Variants in BCL2L13 observed in about 807,000 individuals in gnomAD.
BCL2L13 encodes the protein BCL2 like 13.
Under a neutral mutation model 25.8 loss-of-function variants are expected in BCL2L13, and 13 were observed. That is an observed-to-expected ratio of 0.50 (90% CI 0.33 to 0.80). BCL2L13 has a LOEUF of 0.80. Among genes scored for constraint, BCL2L13 ranks in the 30% least tolerant of loss-of-function variants. The pLI is 0.02. For synonymous variants in BCL2L13, 244 were observed against 230.3 expected, an observed-to-expected ratio of 1.06 and a Z score of -0.54; for missense variants, 504 against 574.9, an observed-to-expected ratio of 0.88 and a Z score of 1.26.
chr22:17,653,698 C>T (rs1479088580), intron 1 of BCL2L13, among the ~76,000 whole-genome samples: 1 of 151,936 alleles, frequency 6.6e-6, no homozygotes, highest in Middle Eastern at 3.4e-3. Context: ...GAGACAGGGT[C>T]TCACTGTGTT....
rs1004831263 is a variant in BCL2L13 at position 17,697,868 on chromosome 22, G to A, written c.456+1658G>A. On this transcript the variant is annotated intron_variant, in intron 5 of 6. Coordinates refer to ENST00000317582, the MANE Select transcript of BCL2L13 (RefSeq NM_015367.4). The stretch of plus-strand genomic sequence containing the variant: ...TTTTGAGACAGAGTCTAACTCTGTC[G>A]CCCAGGCCAGAGTGCAGTGGCTTGA... 5.9e-5 allele frequency among the ~76,000 whole-genome samples: 9 copies of A among 151,980 alleles called. No individual in the cohort carries two copies. In the South Asian group the frequency reaches 6.2e-4, roughly 11 times the overall value.
intron 1 of BCL2L13, among the ~76,000 whole-genome samples, chr22:17,651,644 A>C (rs2058691769): frequency 1.3e-5 from 2 of 150,648 alleles, no homozygotes; most frequent in Non-Finnish European, 2.9e-5. Flanking sequence ...AGGCTCCCCA[A>C]AGTGCTGGGA....
chr22:17,665,829 A>G (rs1166554534), intron 2 of BCL2L13, among the ~76,000 whole-genome samples: 1 of 152,120 alleles, frequency 6.6e-6, no homozygotes, highest in Non-Finnish European at 1.5e-5. Context: ...ATTGTTGAAT[A>G]ATATGCCGTT....
At chr22:17,719,297 A>C (rs932084311) in intron 6 of BCL2L13, among the ~76,000 whole-genome samples, 1 of 152,134 alleles carries the variant, frequency 6.6e-6, no homozygotes. Flanking sequence ...ACATGAAAAG[A>C]TGTTCAACAT....
At chr22:17,632,098 T>C (rs997002271) in intron 1 of BCL2L13, among the ~76,000 whole-genome samples, 2 of 152,128 alleles carry the variant, frequency 1.3e-5, no homozygotes, top group African/African-American at 4.8e-5. Flanking sequence ...TTCCTTGTAC[T>C]GTATGACAGA....
chr22:17,681,206 AAAG>A (rs2059744049), intron 2 of BCL2L13, among the ~76,000 whole-genome samples: 1 of 152,014 alleles, frequency 6.6e-6, no homozygotes, highest in African/African-American at 2.4e-5. Context: ...AGGGACGGGG[AAAG>A]AAGGAGAATT....
intron 1 of BCL2L13, among the ~76,000 whole-genome samples, chr22:17,644,719 G>A (rs771460846): frequency 6.6e-6 from 1 of 150,928 alleles, no homozygotes; most frequent in Non-Finnish European, 1.5e-5. Context: ...ACTATAGGGT[G>A]TTTTGGTTTT....
At chr22:17,692,291 A>T (rs1287212318) in intron 4 of BCL2L13, 1 of 152,180 alleles carries the variant, frequency 6.6e-6, no homozygotes, top group Non-Finnish European at 1.5e-5. Context: ...TGAATGTTTT[A>T]ATCTGCTGCA....
At chr22:17,642,028 T>C (rs953477803) in intron 1 of BCL2L13, among the ~76,000 whole-genome samples, 4 of 151,922 alleles carry the variant, frequency 2.6e-5, no homozygotes, top group African/African-American at 9.7e-5. Context: ...CTCCATCTCC[T>C]GACCTTATTA....
chr22:17,684,591 T>G lies in BCL2L13; in HGVS notation c.229+1270T>G, dbSNP rs186231223. ...TGGTGGTGGTGTTTTGAGATGCAGT[T>G]TCGCTCTCATTGCCCAGGCTGGAGT... is the stretch of plus-strand genomic sequence containing the variant. On this transcript the variant is annotated intron_variant, in intron 3 of 6. Coordinates refer to ENST00000317582, the MANE Select transcript of BCL2L13 (RefSeq NM_015367.4). 2,170 of 454,114 alleles carry G rather than the reference T, an allele frequency of 4.8e-3. 10 individuals carry two copies. The highest frequency in any genetic ancestry group is 7.1e-3 in the Non-Finnish European group (1,621 of 226,852). 28.1% of individuals were successfully genotyped at this position (454,114 alleles called of 1,614,324 possible).
At chr22:17,645,225 ATTTTTTTTT>A in intron 1 of BCL2L13, among the ~76,000 whole-genome samples, 1 of 97,640 alleles carries the variant, frequency 1.0e-5, no homozygotes, top group Middle Eastern at 4.8e-3. Context: ...TAATAGTAGG[ATTTTTTTTT>A]TTTTTTTTTT....
intron 3 of BCL2L13, among the ~76,000 whole-genome samples, chr22:17,683,974 C>T (rs2059833244): frequency 6.6e-6 from 1 of 151,566 alleles, no homozygotes; most frequent in Non-Finnish European, 1.5e-5. Flanking sequence ...CATGCCTGGC[C>T]TGTTCCCTTG....
At chr22:17,690,261 G>C (rs1037589561) in intron 4 of BCL2L13, among the ~76,000 whole-genome samples, 1 of 152,082 alleles carries the variant, frequency 6.6e-6, no homozygotes, top group African/African-American at 2.4e-5. Context: ...AGGAGGCGGA[G>C]GTTGCAGTGA....
chr22:17,670,002 A>C (rs1449882716), intron 2 of BCL2L13, among the ~76,000 whole-genome samples: 1 of 152,228 alleles, frequency 6.6e-6, no homozygotes, highest in Non-Finnish European at 1.5e-5. Context: ...TTGTTGTCTC[A>C]GCACCATTTG....
chr22:17,684,859 A>T (rs945350050), intron 3 of BCL2L13, among the ~76,000 whole-genome samples: 1 of 151,848 alleles, frequency 6.6e-6, no homozygotes, highest in African/African-American at 2.4e-5. Flanking sequence ...CAGCCTCCCG[A>T]GTAGCTGGGA....
At chr22:17,698,572 A>G (rs2060337736) in intron 5 of BCL2L13, among the ~76,000 whole-genome samples, 1 of 150,916 alleles carries the variant, frequency 6.6e-6, no homozygotes, top group Non-Finnish European at 1.5e-5. Flanking sequence ...AAAAAAAAAA[A>G]AAAAAGCCAT....
At chr22:17,644,671 G>A (rs9605364) in intron 1 of BCL2L13, among the ~76,000 whole-genome samples, 48,981 of 151,080 alleles carry the variant, frequency 0.32, 9,110 homozygotes, top group African/African-American at 0.39. Flanking sequence ...AGGAAATTTA[G>A]AAACAGGTTT....
Position 17,689,128 on chromosome 22 carries a change from A to G in BCL2L13, c.372A>G (p.Gln124=), listed in dbSNP as rs1170336851. The change falls in exon 4 of 7, where the codon CAA becomes CAG. Residue 124 remains glutamine (Q), a synonymous_variant. Coordinates refer to ENST00000317582, the MANE Select transcript of BCL2L13 (RefSeq NM_015367.4). ...AAGAGCCTCTCCATAAAGCATTGCA[A>G]ATGCTCCTGAGCCAGTGAGTTACAC... The part of the protein sequence containing the change: ...ELKEPLHKAL[Q]MLLSQPVTYQ... 12 of 1,613,922 alleles carry G rather than the reference A, an allele frequency of 7.4e-6. No homozygotes were observed. The highest frequency in any genetic ancestry group is 1.0e-5 in the Non-Finnish European group (12 of 1,179,964).
At chr22:17,704,946 C>G (rs2060545631) in intron 6 of BCL2L13, among the ~76,000 whole-genome samples, 1 of 149,462 alleles carries the variant, frequency 6.7e-6, no homozygotes, top group African/African-American at 2.5e-5. Flanking sequence ...TATGACATGG[C>G]TTATGTTAAA....
Sources: gnomAD v4.1 joint callset for allele counts (sites outside exome capture counted in the v4.1 genomes callset) on GRCh38, gnomAD v4.1.1 for gene constraint, MANE v1.5 for transcripts, NCBI Gene and HGNC (gene_info 2026-07-23, HGNC 2026-07-21) for gene names.